The following NAALADL2 variants were observed in gnomAD, a reference collection of about 807,000 sequenced individuals.
NAALADL2 encodes the protein N-acetylated alpha-linked acidic dipeptidase like 2, also known as inactive N-acetylated-alpha-linked acidic dipeptidase-like protein 2.
A neutral mutation model predicts 87.2 loss-of-function variants in NAALADL2; 76 were observed. The ratio of observed to expected loss-of-function variants is 0.87; its 90% confidence interval spans 0.72 to 1.05. The LOEUF is 1.05. Among genes scored for constraint, NAALADL2 ranks in the 50% least tolerant of loss-of-function variants. NAALADL2 has a pLI of 0.00. For missense variants in NAALADL2, 1,089 were observed against 945.8 expected (o/e 1.15, Z -1.99); for synonymous variants, 354 against 331.0 (o/e 1.07, Z -0.75).
At chr3:175,244,454 T>C (rs1307691172) in intron 3 of NAALADL2, among the ~76,000 whole-genome samples, 1 of 152,194 alleles carries the variant, frequency 6.6e-6, no homozygotes, top group Non-Finnish European at 1.5e-5. Flanking sequence ...AGTCTTCTTT[T>C]TGGTAAATGT....
At chr3:174,752,842 T>G (rs1399653002) in intron 3 of NAALADL2, among the ~76,000 whole-genome samples, 1 of 152,182 alleles carries the variant, frequency 6.6e-6, no homozygotes, top group Non-Finnish European at 1.5e-5. Context: ...TTTAGTTATG[T>G]GTAAAGATAT....
At chr3:175,199,831 T>TAA (rs1739558176) in intron 2 of NAALADL2, among the ~76,000 whole-genome samples, 1 of 9,926 alleles carries the variant, frequency 1.0e-4, no homozygotes, top group Non-Finnish European at 2.0e-4. Context: ...TATATATATA[T>TAA]ATATATATAT....
chr3:174,746,410 A>G (rs1018110388), intron 3 of NAALADL2, among the ~76,000 whole-genome samples: 3 of 152,178 alleles, frequency 2.0e-5, no homozygotes, highest in African/African-American at 7.2e-5. Context: ...ACTACAAACC[A>G]CTGCTCAAGG....
intron 2 of NAALADL2, among the ~76,000 whole-genome samples, chr3:175,146,806 GA>G (rs1170636000): frequency 6.6e-6 from 1 of 150,444 alleles, no homozygotes; most frequent in Non-Finnish European, 1.5e-5. Context: ...TTCTCTTTTT[GA>G]AAAAGGGAAG....
chr3:175,751,742 T>C lies in NAALADL2; in HGVS notation c.1991-3478T>C, dbSNP rs191485049. ...AATATCTAATTTCCAGTTAATTTTCTTTGTTTAAACGTACTTATTATTTTT... is the reference window on the plus strand; with the variant it reads ...AATATCTAATTTCCAGTTAATTTTCCTTGTTTAAACGTACTTATTATTTTT... On this transcript the variant is annotated intron_variant, in intron 12 of 13. Transcript: ENST00000454872. Among the ~76,000 whole-genome samples the C allele has an allele frequency of 3.4e-3, 520 of 152,254 alleles. 2 individuals carry two copies. The highest frequency in any genetic ancestry group is 0.021 in the South Asian group (102 of 4,824).
intron 9 of NAALADL2, among the ~76,000 whole-genome samples, chr3:175,497,992 T>C (rs914141381): frequency 6.6e-6 from 1 of 151,952 alleles, no homozygotes; most frequent in African/African-American, 2.4e-5. Flanking sequence ...ATGAAAGAAA[T>C]TGCAATAATT....
intron 11 of NAALADL2, among the ~76,000 whole-genome samples, chr3:175,696,704 A>G (rs952463834): frequency 6.6e-6 from 1 of 152,136 alleles, no homozygotes; most frequent in African/African-American, 2.4e-5. Flanking sequence ...TACTGTCTTA[A>G]TTTTCTGCTG....
In NAALADL2 at chr3:174,723,084, CAGAG is replaced by C. The variant is rs199898849; in HGVS notation, c.-114-14551_-114-14548del. ...TAAAAAATAAATTCCATATTGTAGT[CAGAG>C]AGAGACAGAGAGACTGAATCATTAT... On this transcript the variant is annotated intron_variant, in intron 2 of 3. Transcript: ENST00000434257. Among the ~76,000 whole-genome samples the C allele has an allele frequency of 2.6e-3, 400 of 152,088 alleles. 2 individuals are homozygous for C. The highest frequency in any genetic ancestry group is 9.3e-3 in the African/African-American group (386 of 41,458).
intron 1 of NAALADL2, among the ~76,000 whole-genome samples, chr3:175,064,307 G>T (rs1714140452): frequency 2.0e-5 from 3 of 151,468 alleles, no homozygotes; most frequent in Admixed American, 6.6e-5. Context: ...AAACAATGTA[G>T]TTTCTTAAGA....
At chr3:175,094,478 A>G (rs1193926095) in intron 1 of NAALADL2, among the ~76,000 whole-genome samples, 6 of 152,030 alleles carry the variant, frequency 3.9e-5, no homozygotes, top group Admixed American at 1.3e-4. Flanking sequence ...TTCTTCCTCT[A>G]TAAGTTAATC....
intron 9 of NAALADL2, among the ~76,000 whole-genome samples, chr3:175,512,616 A>G (rs1258531847): frequency 2.0e-5 from 3 of 152,216 alleles, no homozygotes; most frequent in Non-Finnish European, 4.4e-5. Context: ...GAAAGACACA[A>G]GATGGAAGAT....
At chr3:174,898,411 TAGAA>T (rs913434815) in intron 1 of NAALADL2, among the ~76,000 whole-genome samples, 2 of 151,458 alleles carry the variant, frequency 1.3e-5, no homozygotes, top group Admixed American at 6.6e-5. Flanking sequence ...TAATAATAAA[TAGAA>T]TGAATAAGAC....
At position 174,465,782 on chromosome 3, in the gene NAALADL2, C is replaced by T. The variant is rs1449678496; in HGVS notation, c.-184+24750C>T. 2.6e-5 allele frequency among the ~76,000 whole-genome samples: 4 copies of T among 151,928 alleles called. No individual in the cohort carries two copies. The East Asian group carries it at 7.7e-4, about 29-fold the overall frequency. On this transcript the variant is annotated intron_variant, in intron 1 of 3. Coordinates refer to the NAALADL2 transcript ENST00000434257. Reference sequence around the variant, plus strand: ...TTTATTTTTTACTTGTGGTCTTACACCCTCATAACTAAAGATATACACACT... The same window carrying T: ...TTTATTTTTTACTTGTGGTCTTACATCCTCATAACTAAAGATATACACACT...
intron 13 of NAALADL2, among the ~76,000 whole-genome samples, chr3:175,798,051 AAATTT>A (rs1753721026): frequency 6.6e-6 from 1 of 152,086 alleles, no homozygotes; most frequent in African/African-American, 2.4e-5. Context: ...CAAAATGCAG[AAATTT>A]ATTTTATGTA....
intron 1 of NAALADL2, among the ~76,000 whole-genome samples, chr3:174,924,167 T>A (rs1406964801): frequency 6.6e-6 from 1 of 151,714 alleles, no homozygotes; most frequent in Non-Finnish European, 1.5e-5. Context: ...ACCCATTAAC[T>A]CGTCATTTAC....
At chr3:174,552,893 G>GT (rs567854150) in intron 2 of NAALADL2, among the ~76,000 whole-genome samples, 60 of 150,422 alleles carry the variant, frequency 4.0e-4, no homozygotes, top group Non-Finnish European at 7.4e-4. Flanking sequence ...TTTCCTGAGT[G>GT]TTTTTTAACA....
chr3:175,132,604 A>ATGG (rs1728272682), intron 2 of NAALADL2, among the ~76,000 whole-genome samples: 2 of 75,342 alleles, frequency 2.7e-5, no homozygotes, highest in Non-Finnish European at 5.2e-5. Flanking sequence ...CTGGCCGGGC[A>ATGG]GGGGGCTGAC....
chr3:175,112,533 A>G (rs1043871297), intron 2 of NAALADL2: 3 of 151,684 alleles, frequency 2.0e-5, no homozygotes, highest in African/African-American at 7.3e-5. Context: ...CATTAGCTAG[A>G]TAGTTCCTAC....
chr3:174,978,673 A>T (rs1174770754), intron 1 of NAALADL2, among the ~76,000 whole-genome samples: 1 of 152,248 alleles, frequency 6.6e-6, no homozygotes, highest in Non-Finnish European at 1.5e-5. Context: ...TTTATTTTCC[A>T]AATGTGGCTG....
Sources: allele counts gnomAD v4.1 joint callset (sites outside exome capture counted in the v4.1 genomes callset), GRCh38; gene constraint gnomAD v4.1.1; transcripts MANE v1.5; gene names NCBI Gene and HGNC (gene_info 2026-07-23, HGNC 2026-07-21).